The following TLN2 variants were observed in gnomAD, a reference collection of about 807,000 sequenced individuals.
TLN2 encodes the protein talin 2, also known as talin-2.
Under a neutral mutation model 294.7 loss-of-function variants are expected in TLN2, and 118 were observed. That is an observed-to-expected ratio of 0.40 (90% confidence interval 0.34 to 0.47). The LOEUF (loss-of-function observed/expected upper bound fraction) is 0.47, where lower values mean the gene tolerates loss of function less well. TLN2 is among the 20% of genes least tolerant of loss of function. The probability of loss-of-function intolerance (pLI) is 0.84; values close to 1 mark genes in which losing one functional copy is unlikely to be tolerated. For synonymous variants in TLN2, 1,431 were observed against 1,304.5 expected, an observed-to-expected ratio of 1.10 and a Z score of -2.09; for missense variants, 3,083 against 3,282.2, an observed-to-expected ratio of 0.94 and a Z score of 1.48.
intron 25 of TLN2, among the ~76,000 whole-genome samples, chr15:62,721,603 T>C (rs1235311247): frequency 6.6e-6 from 1 of 152,158 alleles, no homozygotes; most frequent in Non-Finnish European, 1.5e-5. Context: ...ATAACATATA[T>C]ATTAAAAGTC....
intron 1 of TLN2, among the ~76,000 whole-genome samples, chr15:62,545,255 A>G (rs931799967): frequency 6.6e-6 from 1 of 151,992 alleles, no homozygotes; most frequent in African/African-American, 2.4e-5. Flanking sequence ...TTTTTCTTTT[A>G]TTGACTGATG....
At chr15:62,540,747 G>C (rs190785845) in intron 1 of TLN2, among the ~76,000 whole-genome samples, 3 of 152,244 alleles carry the variant, frequency 2.0e-5, no homozygotes, top group African/African-American at 7.2e-5. Context: ...ATTTGATCTC[G>C]AAGGGCCTTA....
chr15:62,614,013 C>A (rs940448394), intron 2 of TLN2, among the ~76,000 whole-genome samples: 3 of 152,086 alleles, frequency 2.0e-5, no homozygotes, highest in Non-Finnish European at 4.4e-5. Context: ...CCTGGGAAAA[C>A]TTTTGAAGCT....
At chr15:62,720,441 A>G (rs2060064313) in intron 25 of TLN2, among the ~76,000 whole-genome samples, 1 of 152,170 alleles carries the variant, frequency 6.6e-6, no homozygotes, top group African/African-American at 2.4e-5. Flanking sequence ...CTTTATCAGC[A>G]CTTTTTCTCG....
In TLN2 at chr15:62,407,234, A is replaced by G. The variant is rs542930328; in HGVS notation, c.-238+16549A>G. 3.9e-5 allele frequency among the ~76,000 whole-genome samples: 6 copies of G among 152,240 alleles called. No individual in the cohort carries two copies. In the South Asian group the frequency reaches 1.0e-3, roughly 26 times the overall value. On this transcript the variant is annotated intron_variant, in intron 1 of 58. Transcript: ENST00000636159. ...GATTACTATCATAATCCTGTGAGGT[A>G]TTATTACTACTTTGAGGAAGCTAAG...
At chr15:62,686,602 CAGA>C (rs2057313778) in intron 11 of TLN2, 36 bp from the exon 12 acceptor site, 5 of 1,585,374 alleles carry the variant, frequency 3.2e-6, no homozygotes, top group Middle Eastern at 1.7e-4. Flanking sequence ...CAGATGTATT[CAGA>C]AGAAGAGCAC....
chr15:62,675,047 T>C (rs1483533850), intron 10 of TLN2, among the ~76,000 whole-genome samples, 170 bp from the exon 11 acceptor site: 1 of 152,220 alleles, frequency 6.6e-6, no homozygotes, highest in African/African-American at 2.4e-5. Context: ...TCCTGCATGC[T>C]CTGATCCTTG....
chr15:62,616,575 T>C (rs1021471535), intron 2 of TLN2, among the ~76,000 whole-genome samples: 1 of 152,262 alleles, frequency 6.6e-6, no homozygotes, highest in Middle Eastern at 3.4e-3. Context: ...ATCACAGGCA[T>C]GTACCACTGC....
intron 1 of TLN2, among the ~76,000 whole-genome samples, chr15:62,556,041 A>G (rs1212816172): frequency 6.7e-6 from 1 of 149,252 alleles, no homozygotes; most frequent in Non-Finnish European, 1.5e-5. Context: ...GACTTAGTTG[A>G]CTTTACAAAC....
At chr15:62,616,746 G>T (rs2048346512) in intron 2 of TLN2, among the ~76,000 whole-genome samples, 1 of 152,206 alleles carries the variant, frequency 6.6e-6, no homozygotes, top group South Asian at 2.1e-4. Flanking sequence ...CTGGACATTT[G>T]TCTCTTTGCT....
At chr15:62,678,551 C>CTGGG (rs2056483721) in intron 11 of TLN2, among the ~76,000 whole-genome samples, 1 of 152,182 alleles carries the variant, frequency 6.6e-6, no homozygotes, top group Non-Finnish European at 1.5e-5. Context: ...CTATAACAGG[C>CTGGG]TGGGCATGGT....
chr15:62,599,333 C>T (rs905402566), intron 2 of TLN2, among the ~76,000 whole-genome samples: 2 of 152,174 alleles, frequency 1.3e-5, no homozygotes, highest in East Asian at 3.9e-4. Flanking sequence ...ATAAGCAGTC[C>T]GAGGTTACCC....
intron 20 of TLN2, among the ~76,000 whole-genome samples, chr15:62,707,850 A>G (rs1336801560): frequency 2.0e-5 from 3 of 151,904 alleles, no homozygotes; most frequent in African/African-American, 4.8e-5. Context: ...GCCTCCAAAT[A>G]CGCTTTCCCC....
chr15:62,640,180 T>A (rs1328031966), intron 3 of TLN2: 3 of 455,882 alleles, frequency 6.6e-6, no homozygotes, highest in African/African-American at 4.0e-5. Flanking sequence ...GCTACTTCTC[T>A]TCCTCTCTTG....
chr15:62,809,579 G>A (rs771591794), intron 51 of TLN2, among the ~76,000 whole-genome samples: 3 of 152,182 alleles, frequency 2.0e-5, no homozygotes, highest in Non-Finnish European at 4.4e-5. Flanking sequence ...GTCTCCAGCT[G>A]TAAGCGCTGA....
At chr15:62,407,202 G>A (rs1477645889) in intron 1 of TLN2, among the ~76,000 whole-genome samples, 2 of 152,072 alleles carry the variant, frequency 1.3e-5, no homozygotes, top group Admixed American at 6.5e-5. Flanking sequence ...TTAAGGCCTT[G>A]CACATTGATT....
intron 1 of TLN2, among the ~76,000 whole-genome samples, chr15:62,469,014 A>G (rs971900703): frequency 3.3e-5 from 5 of 152,180 alleles, no homozygotes; most frequent in Non-Finnish European, 7.3e-5. Flanking sequence ...ACTTTTCTAT[A>G]TGATGTAATA....
At chr15:62,561,297 T>C (rs757122263) in intron 1 of TLN2, 1 of 152,176 alleles carries the variant, frequency 6.6e-6, no homozygotes, top group Non-Finnish European at 1.5e-5. Context: ...TTACACAAAT[T>C]ATAGCAAAGG....
At chr15:62,740,535 C>G in intron 31 of TLN2, 95 bp from the exon 32 acceptor site, 1 of 1,544,408 alleles carries the variant, frequency 6.5e-7, no homozygotes, top group Non-Finnish European at 8.8e-7. Flanking sequence ...TACGGATAAC[C>G]TGCCTGCATG....
Sources: allele counts gnomAD v4.1 joint callset (sites outside exome capture counted in the v4.1 genomes callset), GRCh38; gene constraint gnomAD v4.1.1; transcripts MANE v1.5; gene names NCBI Gene and HGNC (gene_info 2026-07-23, HGNC 2026-07-21).